Variants in SCD5 observed in about 807,000 individuals in gnomAD.
The protein encoded by SCD5 is acyl-CoA-desaturase 4.
Under a neutral mutation model 30.4 loss-of-function variants are expected in SCD5, and 20 were observed. The observed-to-expected ratio is 0.66, with a 90% CI of 0.46 to 0.96. The LOEUF (loss-of-function observed/expected upper bound fraction) is 0.96, where lower values mean the gene tolerates loss of function less well. SCD5 is among the 40% of genes least tolerant of loss of function. The probability of loss-of-function intolerance (pLI) is 0.00; values close to 1 mark genes in which losing one functional copy is unlikely to be tolerated. For synonymous variants in SCD5, 173 were observed against 176.4 expected, an observed-to-expected ratio of 0.98 and a Z score of 0.16; for missense variants, 381 against 443.3, an observed-to-expected ratio of 0.86 and a Z score of 1.26.
chr4:82,783,641 G>A (rs114159490), intron 1 of SCD5, among the ~76,000 whole-genome samples: 5,366 of 151,834 alleles, frequency 0.035, 124 homozygotes, highest in African/African-American at 0.055. Flanking sequence ...CCATCTCTAC[G>A]AAAATAACAA....
intron 1 of SCD5, among the ~76,000 whole-genome samples, chr4:82,789,844 T>C (rs1476220077): frequency 6.6e-6 from 1 of 152,122 alleles, no homozygotes; most frequent in African/African-American, 2.4e-5. Flanking sequence ...CACATGTACC[T>C]TTTAGAAGCA....
intron 1 of SCD5, among the ~76,000 whole-genome samples, chr4:82,713,029 T>A (rs1720143917): frequency 6.6e-6 from 1 of 152,156 alleles, no homozygotes; most frequent in African/African-American, 2.4e-5. Flanking sequence ...ATACTTACAA[T>A]AACCGGCAGC....
chr4:82,723,356 A>G (rs1720408685), intron 1 of SCD5, among the ~76,000 whole-genome samples: 3 of 152,198 alleles, frequency 2.0e-5, no homozygotes, highest in Non-Finnish European at 1.5e-5. Flanking sequence ...TCTGATTTCC[A>G]TTCAAGTCTT....
At chr4:82,636,258 TG>T (rs1727426321) in intron 4 of SCD5, among the ~76,000 whole-genome samples, 1 of 149,766 alleles carries the variant, frequency 6.7e-6, no homozygotes, top group African/African-American at 2.5e-5. Context: ...CTGGCCACCA[TG>T]GTGAAACCCC....
intron 3 of SCD5, among the ~76,000 whole-genome samples, chr4:82,642,515 C>T (rs1459120115): frequency 6.6e-6 from 1 of 152,220 alleles, no homozygotes; most frequent in Non-Finnish European, 1.5e-5. Flanking sequence ...GTGTCTATGA[C>T]ACTCTTCCCC....
intron 1 of SCD5, among the ~76,000 whole-genome samples, chr4:82,795,665 A>G (rs1024686325): frequency 6.6e-6 from 1 of 151,908 alleles, no homozygotes; most frequent in Admixed American, 6.6e-5. Context: ...AAAAAAATGA[A>G]AAAGAAAATA....
chr4:82,722,924 A>G (rs1720399824), intron 1 of SCD5, among the ~76,000 whole-genome samples: 1 of 151,782 alleles, frequency 6.6e-6, no homozygotes, highest in South Asian at 2.1e-4. Flanking sequence ...AAAAATTACA[A>G]AAACTAGCCG....
intron 3 of SCD5, among the ~76,000 whole-genome samples, chr4:82,653,344 T>C: frequency 6.6e-6 from 1 of 152,014 alleles, no homozygotes; most frequent in Non-Finnish European, 1.5e-5. Context: ...AGAAATGCAT[T>C]ATCATATTAA....
chr4:82,633,112 A>C lies in SCD5; in HGVS notation c.803-1595T>G, dbSNP rs1274250818. On this transcript the variant is annotated intron_variant, in intron 4 of 4. Transcript: ENST00000319540. ...TGAACTTGTTCCTCTAGTCAGACTG[A>C]AAATTTGTACCCTTTGACCAATATC... 2.0e-5 allele frequency among the ~76,000 whole-genome samples: 3 copies of C among 152,176 alleles called. No homozygotes were observed. The East Asian group carries it at 5.8e-4, about 29-fold the overall frequency.
At chr4:82,694,088 T>C (rs1390123003) in intron 2 of SCD5, among the ~76,000 whole-genome samples, 1 of 152,230 alleles carries the variant, frequency 6.6e-6, no homozygotes, top group Non-Finnish European at 1.5e-5. Context: ...GGCAGCAGCC[T>C]AGCCGCAGGC....
chr4:82,733,597 A>C (rs1578043702), intron 1 of SCD5, among the ~76,000 whole-genome samples: 2 of 152,308 alleles, frequency 1.3e-5, no homozygotes, highest in East Asian at 3.9e-4. Context: ...AGGGGGAAAA[A>C]GAAAAATATG....
chr4:82,791,538 G>A (rs1467797892), intron 1 of SCD5, among the ~76,000 whole-genome samples: 2 of 152,206 alleles, frequency 1.3e-5, no homozygotes, highest in African/African-American at 4.8e-5. Context: ...GAGGGAATGA[G>A]CGAAGTGAAA....
intron 3 of SCD5, among the ~76,000 whole-genome samples, chr4:82,644,486 C>T (rs531652390): frequency 6.6e-6 from 1 of 152,316 alleles, no homozygotes; most frequent in African/African-American, 2.4e-5. Context: ...CAGAGAGAAT[C>T]CCACATGACA....
At chr4:82,703,283 T>A (rs1455060803) in intron 2 of SCD5, among the ~76,000 whole-genome samples, 1 of 152,246 alleles carries the variant, frequency 6.6e-6, no homozygotes, top group Non-Finnish European at 1.5e-5. Context: ...TTTATTTTTT[T>A]ATTTACCTAA....
intron 1 of SCD5, among the ~76,000 whole-genome samples, chr4:82,759,314 T>G (rs1372958233): frequency 1.3e-5 from 2 of 152,198 alleles, no homozygotes; most frequent in African/African-American, 4.8e-5. Context: ...CCCCACCATG[T>G]GGGCAGTTCC....
chr4:82,735,585 T>C (rs1366848023), intron 1 of SCD5, among the ~76,000 whole-genome samples: 1 of 152,220 alleles, frequency 6.6e-6, no homozygotes, highest in African/African-American at 2.4e-5. Context: ...CTGCTCGTTT[T>C]TCAACTGCAT....
rs544555975 is a variant in SCD5 at position 82,711,190 on chromosome 4, C to G, written c.233-5777G>C. On this transcript the variant is annotated intron_variant, in intron 1 of 4. Transcript: ENST00000319540. ...GCTCTGTTTCTGAAAAGATCCCCCC[C>G]CCGATAACCCACTCTGAAGACACCC... Among the ~76,000 whole-genome samples the G allele has an allele frequency of 7.8e-4, 119 of 152,248 alleles. 1 individual carries two copies. The highest frequency in any genetic ancestry group is 2.3e-3 in the African/African-American group (96 of 41,540).
intron 3 of SCD5, among the ~76,000 whole-genome samples, chr4:82,654,912 A>C (rs1254193653): frequency 6.6e-6 from 1 of 152,252 alleles, no homozygotes; most frequent in Non-Finnish European, 1.5e-5. Context: ...ACCTACACAT[A>C]GAGAATTTTT....
intron 3 of SCD5, among the ~76,000 whole-genome samples, chr4:82,666,761 A>G (rs1728199486): frequency 6.6e-6 from 1 of 152,200 alleles, no homozygotes; most frequent in South Asian, 2.1e-4. Flanking sequence ...TTTACTAAAG[A>G]AAGAATAATT....
Sources: gnomAD v4.1 joint callset for allele counts (sites outside exome capture counted in the v4.1 genomes callset) on GRCh38, gnomAD v4.1.1 for gene constraint, MANE v1.5 for transcripts, NCBI Gene and HGNC (gene_info 2026-07-23, HGNC 2026-07-21) for gene names.